SORCS2: variants seen among roughly 807,000 people sequenced by gnomAD.
SORCS2 encodes the protein VPS10 domain-containing receptor SorCS2.
SORCS2 carries 100 observed loss-of-function variants against 141.6 expected under a neutral mutation model. The ratio of observed to expected loss-of-function variants is 0.71; its 90% CI spans 0.60 to 0.83. SORCS2 has a LOEUF of 0.83. Among genes scored for constraint, SORCS2 ranks in the 40% least tolerant of loss-of-function variants. SORCS2 has a pLI of 0.00. For synonymous variants in SORCS2, 789 were observed against 676.9 expected (o/e 1.17, Z -2.57); for missense variants, 1,646 against 1,560.2 (o/e 1.05, Z -0.93).
intron 2 of SORCS2, among the ~76,000 whole-genome samples, chr4:7,399,047 TG>T (rs1267825998): frequency 6.8e-6 from 1 of 146,492 alleles, no homozygotes; most frequent in Non-Finnish European, 1.6e-5. Context: ...ACGGCATCAT[TG>T]CTTTAATTTG....
At chr4:7,257,859 C>T (rs1036294554) in intron 1 of SORCS2, among the ~76,000 whole-genome samples, 6 of 152,196 alleles carry the variant, frequency 3.9e-5, no homozygotes, top group African/African-American at 9.6e-5. Context: ...CAACGAGAGG[C>T]GCCGACAGGA....
intron 1 of SORCS2, among the ~76,000 whole-genome samples, chr4:7,307,700 T>A (rs1717918905): frequency 6.6e-6 from 1 of 152,170 alleles, no homozygotes; most frequent in South Asian, 2.1e-4. Flanking sequence ...AGAACAGGGC[T>A]TCAATGGGGT....
intron 23 of SORCS2, among the ~76,000 whole-genome samples, chr4:7,732,503 G>A (rs550439494): frequency 2.6e-5 from 4 of 152,134 alleles, no homozygotes; most frequent in Non-Finnish European, 5.9e-5. Context: ...CTGCCTTTTG[G>A]CCCCTGCCCT....
At chr4:7,304,841 T>G (rs1352475316) in intron 1 of SORCS2, among the ~76,000 whole-genome samples, 1 of 152,192 alleles carries the variant, frequency 6.6e-6, no homozygotes, top group East Asian at 1.9e-4. Flanking sequence ...CTCTTCTCCT[T>G]CCTAAGAAGA....
At chr4:7,297,156 G>A (rs1322524739) in intron 1 of SORCS2, among the ~76,000 whole-genome samples, 3 of 152,200 alleles carry the variant, frequency 2.0e-5, no homozygotes, top group Non-Finnish European at 4.4e-5. Context: ...TGCATTAGGT[G>A]GAGGGGGCTG....
At chr4:7,516,563 G>T (rs545113325) in intron 2 of SORCS2, among the ~76,000 whole-genome samples, 58 of 152,298 alleles carry the variant, frequency 3.8e-4, no homozygotes, top group African/African-American at 1.3e-3. Context: ...ATGTGGGCAG[G>T]GACCTGGAGG....
intron 2 of SORCS2, among the ~76,000 whole-genome samples, chr4:7,422,840 T>A (rs1371941036): frequency 6.6e-6 from 1 of 152,150 alleles, no homozygotes; most frequent in African/African-American, 2.4e-5. Context: ...GCCTCGTCAC[T>A]GCCTGCTAAT....
At position 7,286,225 on chromosome 4, in the gene SORCS2, G is replaced by A. The variant is rs895528552; in HGVS notation, c.480+93099G>A. On this transcript the variant is annotated intron_variant, in intron 1 of 26. Coordinates refer to ENST00000507866, the MANE Select transcript of SORCS2 (RefSeq NM_020777.3). This position sits in a 1 kb window ranked among gnomAD's most constrained non-coding sequence, Gnocchi z 4.1. The stretch of plus-strand genomic sequence containing the variant: ...CGACTCGGACCCTGAGTCTCCTCGC[G>A]TGGGAAGTGGGCACAGCCTCATGGT... Among the ~76,000 whole-genome samples the A allele has an allele frequency of 6.6e-6, 1 of 152,332 alleles. No homozygotes were observed. Among genetic ancestry groups the A allele is most frequent in the South Asian group, 2.1e-4 (1 of 4,828 alleles).
intron 3 of SORCS2, among the ~76,000 whole-genome samples, chr4:7,633,288 G>T (rs1410410794): frequency 1.3e-5 from 2 of 152,102 alleles, no homozygotes; most frequent in African/African-American, 4.8e-5. Flanking sequence ...GATGCCAGGA[G>T]CCTGAGGGGT....
Position 7,689,556 on chromosome 4 carries a change from A to G in SORCS2, c.1559A>G (p.Lys520Arg). ...TACGTATCAGGCACCGTGCACACCA[A>G]GGACACCGCCCCAGGCCTCATCATG... The part of the protein sequence containing the change: ...NPYVSGTVHT[K>R]DTAPGLIMGA... The change falls in exon 11 of 27, where the codon AAG becomes AGG. Residue 520 changes from lysine (K) to arginine (R), a missense_variant. By Grantham distance (26) the Lys-to-Arg change is conservative. Coordinates refer to ENST00000507866, the MANE Select transcript of SORCS2 (RefSeq NM_020777.3). The G allele has an allele frequency of 3.1e-6, 5 of 1,605,084 alleles. No individual in the cohort carries two copies. Among genetic ancestry groups the G allele is most frequent in the Non-Finnish European group, 4.3e-6 (5 of 1,176,356 alleles).
intron 11 of SORCS2, among the ~76,000 whole-genome samples, chr4:7,693,122 C>T (rs942200252): frequency 3.3e-5 from 5 of 152,186 alleles, no homozygotes; most frequent in African/African-American, 7.2e-5. Context: ...CGGCTGGCTC[C>T]CTTCTGAGTG....
At chr4:7,337,492 G>A (rs931454723) in intron 1 of SORCS2, among the ~76,000 whole-genome samples, 5 of 152,126 alleles carry the variant, frequency 3.3e-5, no homozygotes, top group Non-Finnish European at 4.4e-5. Context: ...CAGGTAGCAG[G>A]GAGCGCAGGT....
chr4:7,375,903 G>A (rs906160305), intron 1 of SORCS2, among the ~76,000 whole-genome samples: 1 of 152,164 alleles, frequency 6.6e-6, no homozygotes, highest in African/African-American at 2.4e-5. Flanking sequence ...TCGTGCGCAG[G>A]TTACTTGCCT....
intron 1 of SORCS2, among the ~76,000 whole-genome samples, chr4:7,252,651 T>C (rs1680582543): frequency 6.6e-6 from 1 of 152,068 alleles, no homozygotes; most frequent in South Asian, 2.1e-4. Context: ...GTGCAATTCA[T>C]CACCCAAACC....
chr4:7,254,904 C>T (rs1326004756), intron 1 of SORCS2, among the ~76,000 whole-genome samples: 1 of 152,014 alleles, frequency 6.6e-6, no homozygotes, highest in African/African-American at 2.4e-5. Flanking sequence ...AGGTTTGGGC[C>T]GGCTGTGTTC....
chr4:7,674,357 A>C (rs960085868), intron 8 of SORCS2, among the ~76,000 whole-genome samples: 4 of 152,002 alleles, frequency 2.6e-5, no homozygotes, highest in Non-Finnish European at 4.4e-5. Flanking sequence ...GCGGATCACG[A>C]GTTCAGGAGA....
chr4:7,333,600 C>T (rs1356313722), intron 1 of SORCS2, among the ~76,000 whole-genome samples: 1 of 152,132 alleles, frequency 6.6e-6, no homozygotes, highest in Non-Finnish European at 1.5e-5. Context: ...TCGTCGTCCA[C>T]CTCCCTGCCT....
intron 1 of SORCS2, among the ~76,000 whole-genome samples, chr4:7,328,749 C>G (rs989403155): frequency 6.6e-6 from 1 of 152,222 alleles, no homozygotes; most frequent in African/African-American, 2.4e-5. Flanking sequence ...GAGACAAGTC[C>G]TGGTCTTGCC....
chr4:7,446,616 C>G (rs566258486), intron 2 of SORCS2, among the ~76,000 whole-genome samples: 1 of 152,088 alleles, frequency 6.6e-6, no homozygotes, highest in Non-Finnish European at 1.5e-5. Context: ...CCTGAGCAGC[C>G]TTGTTGGGGT....
Sources: allele counts gnomAD v4.1 joint callset (sites outside exome capture counted in the v4.1 genomes callset), GRCh38; gene constraint gnomAD v4.1.1; non-coding constraint Gnocchi (gnomAD v3.1); transcripts MANE v1.5; gene names NCBI Gene and HGNC (gene_info 2026-07-23, HGNC 2026-07-21).